MTX2: variants seen among roughly 807,000 people sequenced by gnomAD.
The protein encoded by MTX2 is metaxin 2, also known as metaxin-2.
Under a neutral mutation model 42.3 loss-of-function variants are expected in MTX2, and 35 were observed. That is an observed-to-expected ratio of 0.83 (90% CI 0.63 to 1.10). The LOEUF (loss-of-function observed/expected upper bound fraction) is 1.10, where lower values mean the gene tolerates loss of function less well. Among genes scored for constraint, MTX2 ranks in the 50% least tolerant of loss-of-function variants. MTX2 has a pLI of 0.00. For missense variants in MTX2, 307 were observed against 304.1 expected, an observed-to-expected ratio of 1.01 and a Z score of -0.07; for synonymous variants, 119 against 100.9, an observed-to-expected ratio of 1.18 and a Z score of -1.08.
chr2:176,324,798 C>G (rs1223211051), intron 4 of MTX2, among the ~76,000 whole-genome samples: 1 of 151,690 alleles, frequency 6.6e-6, no homozygotes, highest in Non-Finnish European at 1.5e-5. Flanking sequence ...AATATACATT[C>G]TTTCATAGGA....
At chr2:176,278,272 A>T (rs1329413564) in intron 1 of MTX2, among the ~76,000 whole-genome samples, 2 of 151,850 alleles carry the variant, frequency 1.3e-5, no homozygotes, top group African/African-American at 4.8e-5. Context: ...GCTGGTCTTG[A>T]ACTGCTGACC....
chr2:176,314,599 ATGTTT>A (rs1268635756), intron 3 of MTX2, among the ~76,000 whole-genome samples: 8 of 152,188 alleles, frequency 5.3e-5, no homozygotes, highest in African/African-American at 1.7e-4. Context: ...AATATTTAAG[ATGTTT>A]TGTTTTGTTG....
At chr2:176,307,823 A>G (rs1173637925) in intron 3 of MTX2, among the ~76,000 whole-genome samples, 3 of 152,302 alleles carry the variant, frequency 2.0e-5, no homozygotes, top group African/African-American at 7.2e-5. Flanking sequence ...TTTTCTAAAT[A>G]TACAATCATA....
At chr2:176,278,045 T>G (rs945209651) in intron 1 of MTX2, among the ~76,000 whole-genome samples, 24 of 115,440 alleles carry the variant, frequency 2.1e-4, no homozygotes, top group East Asian at 4.6e-4. Flanking sequence ...AAACTGGTTT[T>G]TTTTTTTTTT....
intron 1 of MTX2, among the ~76,000 whole-genome samples, chr2:176,277,371 A>G (rs1692972681): frequency 6.6e-6 from 1 of 152,232 alleles, no homozygotes; most frequent in Non-Finnish European, 1.5e-5. Flanking sequence ...GACAGTTGCA[A>G]CAGATAATTG....
At chr2:176,280,450 C>A (rs1022458109) in intron 1 of MTX2, among the ~76,000 whole-genome samples, 17 of 152,264 alleles carry the variant, frequency 1.1e-4, no homozygotes, top group Middle Eastern at 3.4e-3. Flanking sequence ...TGTAACAAAC[C>A]ACCCTAAATT....
At chr2:176,328,485 TAGTC>T in intron 6 of MTX2, 100 bp downstream of exon 6, 2 of 757,816 alleles carry the variant, frequency 2.6e-6, no homozygotes, top group Admixed American at 5.9e-5. Context: ...AATGGGAAAA[TAGTC>T]AAGTAATTCT....
intron 1 of MTX2, among the ~76,000 whole-genome samples, chr2:176,283,078 G>A (rs1383689435): frequency 1.3e-5 from 2 of 152,130 alleles, no homozygotes; most frequent in Non-Finnish European, 2.9e-5. Flanking sequence ...ATTGAGACAA[G>A]AATAGGTTAA....
rs78508567 is a variant in MTX2, at chr2:176,333,149, A to G, written c.620+2489A>G. ...TTTGTCACCCTGGAATATTTTTCTA[A>G]TAAAAAGTCTATAAAGATAAATGCA... On this transcript the variant is annotated intron_variant, in intron 9 of 9. Transcript: ENST00000249442. 5.6e-3 allele frequency among the ~76,000 whole-genome samples: 852 copies of G among 151,622 alleles called. 18 individuals carry two copies. In the East Asian group the frequency reaches 0.064, roughly 11 times the overall value.
chr2:176,337,466 T>G, intron 9 of MTX2, 27 bp from the exon 10 acceptor site: 1 of 1,538,948 alleles, frequency 6.5e-7, no homozygotes, highest in Non-Finnish European at 8.8e-7. Context: ...TGCTACTTAC[T>G]CACATTACTC....
Position 176,269,819 on chromosome 2 carries a change from C to T in MTX2, c.40+150C>T. The T allele has an allele frequency of 4.1e-6, 4 of 980,232 alleles. No individual in the cohort carries two copies. In the South Asian group the frequency reaches 7.1e-5, roughly 18 times the overall value. The allele number at this position is 980,232 out of a possible 1,614,324, so 60.7% of individuals were successfully genotyped here. A position where few individuals can be genotyped will look rare whatever the true frequency, so the allele number is the denominator to read the frequency against. The stretch of plus-strand genomic sequence containing the variant: ...GGCGGGCACGGACTACCAACCTTAT[C>T]TCACATATGGGAAAACTGAGAAGGA... On this transcript the variant is annotated intron_variant, in intron 1 of 9. Coordinates refer to ENST00000249442, the MANE Select transcript of MTX2 (RefSeq NM_006554.5).
chr2:176,313,148 G>A (rs1352505435), intron 3 of MTX2, among the ~76,000 whole-genome samples: 2 of 151,716 alleles, frequency 1.3e-5, no homozygotes, highest in Admixed American at 1.3e-4. Flanking sequence ...TTATTATTAT[G>A]AATGTTGTTA....
At chr2:176,295,401 T>TA (rs1276941492) in intron 1 of MTX2, among the ~76,000 whole-genome samples, 4 of 152,180 alleles carry the variant, frequency 2.6e-5, no homozygotes, top group African/African-American at 9.6e-5. Flanking sequence ...TCCTTTTATT[T>TA]AAAAAACTGT....
At chr2:176,309,005 T>G (rs1243130460) in intron 3 of MTX2, among the ~76,000 whole-genome samples, 1 of 152,234 alleles carries the variant, frequency 6.6e-6, no homozygotes, top group Non-Finnish European at 1.5e-5. Flanking sequence ...TTTAGAACTT[T>G]CCTGCTTTCT....
At chr2:176,311,633 G>A (rs536236405) in intron 3 of MTX2, among the ~76,000 whole-genome samples, 1 of 152,304 alleles carries the variant, frequency 6.6e-6, no homozygotes, top group South Asian at 2.1e-4. Flanking sequence ...TCCAGCCAGG[G>A]GGCTGTCTCA....
Position 176,274,584 on chromosome 2 carries a change from A to T in MTX2, c.40+4915A>T, listed in dbSNP as rs915880125. On this transcript the variant is annotated intron_variant, in intron 1 of 9. Coordinates refer to ENST00000249442, the MANE Select transcript of MTX2 (RefSeq NM_006554.5). ...CACATGCATGTATGTGCATACACAA[A>T]CACATGGCAAAGAATTGGCTCTTAA... Among the ~76,000 whole-genome samples the T allele has an allele frequency of 2.0e-5, 3 of 152,114 alleles. No homozygotes were observed. In the East Asian group the frequency reaches 5.8e-4, roughly 29 times the overall value.
At chr2:176,282,801 T>G (rs1045274573) in intron 1 of MTX2, among the ~76,000 whole-genome samples, 1 of 152,006 alleles carries the variant, frequency 6.6e-6, no homozygotes, top group African/African-American at 2.4e-5. Context: ...TCTCCTGGGT[T>G]CATGCGATTG....
At chr2:176,330,738 T>A in intron 9 of MTX2, 78 bp downstream of exon 9, 1 of 967,112 alleles carries the variant, frequency 1.0e-6, no homozygotes, top group Non-Finnish European at 1.6e-6. Flanking sequence ...AAAGAATTGC[T>A]TTTTCAAGAA....
Position 176,269,577 on chromosome 2 carries a change from G to C in MTX2, c.-53G>C. ...GAGAGCCTCCGGGTTTGCGGTGGAG[G>C]ACGCTGAGGCCCGTGGGGGGCAGGC... On this transcript the variant is annotated 5_prime_UTR_variant, in exon 1 of 10. Coordinates refer to ENST00000249442, the MANE Select transcript of MTX2 (RefSeq NM_006554.5). 6.5e-7 allele frequency: 1 copy of C among 1,540,194 alleles called. No homozygotes were observed. Among genetic ancestry groups the C allele is most frequent in the Non-Finnish European group, 8.7e-7 (1 of 1,146,808 alleles).
Sources: gnomAD v4.1 joint callset for allele counts (sites outside exome capture counted in the v4.1 genomes callset) on GRCh38, gnomAD v4.1.1 for gene constraint, MANE v1.5 for transcripts, NCBI Gene and HGNC (gene_info 2026-07-23, HGNC 2026-07-21) for gene names.